STK10: variants seen among roughly 807,000 people sequenced by gnomAD.
The protein encoded by STK10 is serine/threonine-protein kinase 10.
A neutral mutation model predicts 113.8 loss-of-function variants in STK10; 78 were observed. The observed-to-expected ratio is 0.69, with a 90% CI of 0.57 to 0.83. STK10 has a LOEUF of 0.83. Ranked by LOEUF, STK10 falls within the 40% of genes least tolerant of loss-of-function variation. STK10 has a pLI of 0.00. For missense variants in STK10, 1,109 were observed against 1,280.1 expected, an observed-to-expected ratio of 0.87 and a Z score of 2.04; for synonymous variants, 465 against 494.7, an observed-to-expected ratio of 0.94 and a Z score of 0.80.
intron 4 of STK10, among the ~76,000 whole-genome samples, chr5:172,116,265 G>C (rs1026242309): frequency 7.9e-5 from 12 of 152,006 alleles, no homozygotes; most frequent in African/African-American, 2.9e-4. Flanking sequence ...ATTTTTAGTA[G>C]AGATTGGGGT....
chr5:172,074,001 T>G (rs900526317), intron 12 of STK10, among the ~76,000 whole-genome samples: 22 of 150,950 alleles, frequency 1.5e-4, no homozygotes, highest in Non-Finnish European at 2.7e-4. Context: ...CGAATATAAA[T>G]ATAAAATATA....
At position 172,150,876 on chromosome 5, in the gene STK10, G is replaced by A. The variant is rs1015006588; in HGVS notation, c.321+5748C>T. Among the ~76,000 whole-genome samples the A allele has an allele frequency of 2.6e-5, 4 of 152,196 alleles. No homozygotes were observed. The South Asian group carries it at 6.2e-4, about 24-fold the overall frequency. ...CTCCTTCAGGGAGGGTAACCACGGC[G>A]CCAGCCAACTTCCTCATCAGGAAGT... On this transcript the variant is annotated intron_variant, in intron 2 of 18. Transcript: ENST00000176763.
chr5:172,138,809 G>C (rs541067335), intron 2 of STK10, among the ~76,000 whole-genome samples: 1 of 151,980 alleles, frequency 6.6e-6, no homozygotes, highest in African/African-American at 2.4e-5. Context: ...TCAGGAGATC[G>C]AGACCATCCT....
At chr5:172,165,294 A>C (rs902501) in intron 1 of STK10, among the ~76,000 whole-genome samples, 81,160 of 151,470 alleles carry the variant, frequency 0.54, 21,819 homozygotes, top group East Asian at 0.6. Flanking sequence ...TCCCCAACCC[A>C]ACTCTGCAGA....
chr5:172,095,360 C>G (rs1384131606), intron 8 of STK10, among the ~76,000 whole-genome samples: 2 of 152,206 alleles, frequency 1.3e-5, no homozygotes, highest in Non-Finnish European at 2.9e-5. Flanking sequence ...AAAGATCAGC[C>G]TCCTGCATGC....
chr5:172,065,072 C>G (rs932990813), intron 12 of STK10, among the ~76,000 whole-genome samples: 4 of 152,176 alleles, frequency 2.6e-5, no homozygotes, highest in African/African-American at 9.7e-5. Flanking sequence ...TATCCACCCC[C>G]CTCTTCTGGT....
At chr5:172,104,194 C>T (rs968416802) in intron 7 of STK10, among the ~76,000 whole-genome samples, 9 of 152,192 alleles carry the variant, frequency 5.9e-5, no homozygotes, top group African/African-American at 1.4e-4. Context: ...AGGGCAGGAC[C>T]GGAGCCGACA....
intron 5 of STK10, chr5:172,107,090 T>G (rs1364509863): frequency 9.4e-3 from 1,060 of 112,458 alleles, no homozygotes; most frequent in South Asian, 0.02. Context: ...AGGGGGCGGG[T>G]GGGAGCGGAG....
At chr5:172,149,901 G>C (rs530282011) in intron 2 of STK10, among the ~76,000 whole-genome samples, 11 of 151,892 alleles carry the variant, frequency 7.2e-5, no homozygotes, top group African/African-American at 2.4e-4. Context: ...CAAAAAATTA[G>C]CTGGGTGTGG....
intron 3 of STK10, among the ~76,000 whole-genome samples, chr5:172,122,950 A>T (rs1441788278): frequency 6.6e-6 from 1 of 152,190 alleles, no homozygotes; most frequent in Non-Finnish European, 1.5e-5. Context: ...ATAGCCAGCA[A>T]GGCATGGCCA....
intron 12 of STK10, among the ~76,000 whole-genome samples, chr5:172,068,663 T>C (rs1288595922): frequency 3.3e-5 from 5 of 152,108 alleles, no homozygotes; most frequent in Admixed American, 6.6e-5. Context: ...GTAGATATAA[T>C]ACATGTGATA....
chr5:172,156,603 C>G, intron 2 of STK10, 21 bp downstream of exon 2: 1 of 1,604,668 alleles, frequency 6.2e-7, no homozygotes, highest in Non-Finnish European at 8.5e-7. Flanking sequence ...TGAGCTGGGA[C>G]AGACAGGGCG....
At chr5:172,161,087 G>A in intron 1 of STK10, among the ~76,000 whole-genome samples, 1 of 152,164 alleles carries the variant, frequency 6.6e-6, no homozygotes, top group East Asian at 1.9e-4. Flanking sequence ...AAAGTGACGA[G>A]ACAGCATGCT....
At position 172,044,784 on chromosome 5, in the gene STK10, C is replaced by T. The variant is rs765175492; in HGVS notation, c.*98G>A. 2.6e-5 allele frequency: 41 copies of T among 1,592,238 alleles called. No homozygotes were observed. The East Asian group carries it at 4.5e-4, about 17-fold the overall frequency. On this transcript the variant is annotated 3_prime_UTR_variant, in exon 19 of 19. Coordinates refer to ENST00000176763, the MANE Select transcript of STK10 (RefSeq NM_005990.4). The surrounding 1 kb of genome is among the most constrained non-coding windows in gnomAD (Gnocchi z 4.5). ...GGGGCTGGATTTGAGCTGGCACAGA[C>T]GCAAGAGGGAAAAGGGGTCCTGAGT...
intron 10 of STK10, among the ~76,000 whole-genome samples, chr5:172,087,431 CAG>C: frequency 6.6e-6 from 1 of 151,018 alleles, no homozygotes; most frequent in Non-Finnish European, 1.5e-5. Flanking sequence ...CCGGCCACCA[CAG>C]CTGGCTAATT....
At chr5:172,045,091 G>T in intron 18 of STK10, 69 bp from the exon 19 acceptor site, 1 of 1,586,626 alleles carries the variant, frequency 6.3e-7, no homozygotes, top group East Asian at 2.2e-5. Context: ...CCCACTCACA[G>T]GACCCCCACT....
At chr5:172,088,497 C>G (rs1355439638) in intron 10 of STK10, among the ~76,000 whole-genome samples, 1 of 152,126 alleles carries the variant, frequency 6.6e-6, no homozygotes, top group Non-Finnish European at 1.5e-5. Context: ...GCACTCCAGC[C>G]TGAGCGACAG....
intron 12 of STK10, among the ~76,000 whole-genome samples, chr5:172,067,591 C>T (rs907784714): frequency 6.6e-6 from 1 of 151,834 alleles, no homozygotes; most frequent in Admixed American, 6.6e-5. Context: ...AGGTAAAGCC[C>T]TTTAATATTT....
chr5:172,087,256 C>CTTATTTAT (rs59070930), intron 10 of STK10, among the ~76,000 whole-genome samples: 19 of 150,250 alleles, frequency 1.3e-4, no homozygotes, highest in Middle Eastern at 3.4e-3. Context: ...TTGGTTTTGG[C>CTTATTTAT]TTATTTATTT....
Sources: gnomAD v4.1 joint callset for allele counts (sites outside exome capture counted in the v4.1 genomes callset) on GRCh38, gnomAD v4.1.1 for gene constraint, Gnocchi (gnomAD v3.1) non-coding constraint, MANE v1.5 for transcripts, NCBI Gene and HGNC (gene_info 2026-07-23, HGNC 2026-07-21) for gene names.